Variants in DIS3L2 observed in about 807,000 individuals in gnomAD.
DIS3L2 encodes the protein DIS3 like 3'-5' exoribonuclease 2.
Under a neutral mutation model 97.5 loss-of-function variants are expected in DIS3L2, and 34 were observed. The ratio of observed to expected loss-of-function variants is 0.35; its 90% CI spans 0.27 to 0.46. The LOEUF is 0.46. DIS3L2 is among the 20% of genes least tolerant of loss of function. DIS3L2 has a pLI of 1.00. For synonymous variants in DIS3L2, 435 were observed against 445.2 expected (o/e 0.98, Z 0.29); for missense variants, 1,038 against 1,146.0 (o/e 0.91, Z 1.36).
chr2:232,247,471 G>C (rs1330324714), intron 11 of DIS3L2, among the ~76,000 whole-genome samples: 1 of 151,934 alleles, frequency 6.6e-6, no homozygotes, highest in Non-Finnish European at 1.5e-5. Context: ...AGAGAGACTT[G>C]TGTCTCTTTC....
At chr2:232,203,096 A>G (rs1336600088) in intron 9 of DIS3L2, among the ~76,000 whole-genome samples, 2 of 152,228 alleles carry the variant, frequency 1.3e-5, no homozygotes, top group Non-Finnish European at 2.9e-5. Context: ...TTCCTTCTAC[A>G]GTTTACATAA....
At chr2:232,029,948 C>G in intron 4 of DIS3L2, 31 bp from the exon 5 acceptor site, 1 of 1,511,028 alleles carries the variant, frequency 6.6e-7, no homozygotes, top group Non-Finnish European at 9.0e-7. Flanking sequence ...TTTTTAAGCT[C>G]ACTATTGTTT....
At chr2:232,066,234 CTCTA>C (rs1695853282) in intron 5 of DIS3L2, among the ~76,000 whole-genome samples, 1 of 151,820 alleles carries the variant, frequency 6.6e-6, no homozygotes, top group South Asian at 2.1e-4. Flanking sequence ...GAGGAAAGCC[CTCTA>C]TCTTTCTCAT....
At chr2:232,107,323 T>C (rs987035776) in intron 6 of DIS3L2, among the ~76,000 whole-genome samples, 7 of 152,198 alleles carry the variant, frequency 4.6e-5, no homozygotes, top group Admixed American at 4.6e-4. Context: ...AGGAGCTGGT[T>C]TTTTGAAAAA....
chr2:232,073,507 G>T (rs1483319754), intron 5 of DIS3L2, among the ~76,000 whole-genome samples: 1 of 152,170 alleles, frequency 6.6e-6, no homozygotes, highest in Middle Eastern at 3.2e-3. Context: ...GGGTTTATTT[G>T]CTGCAACAGA....
intron 14 of DIS3L2, among the ~76,000 whole-genome samples, chr2:232,310,824 G>A (rs1045556555): frequency 2.6e-5 from 4 of 152,228 alleles, no homozygotes; most frequent in Non-Finnish European, 5.9e-5. Flanking sequence ...GAGCAGGGAG[G>A]GCAGCAAGGC....
chr2:232,279,170 CAG>C (rs1694219187), intron 13 of DIS3L2, among the ~76,000 whole-genome samples: 1 of 152,202 alleles, frequency 6.6e-6, no homozygotes, highest in South Asian at 2.1e-4. Flanking sequence ...CTCCTGACCT[CAG>C]GTGATCTACC....
chr2:232,308,770 C>T (rs1022249658), intron 14 of DIS3L2, among the ~76,000 whole-genome samples: 4 of 152,166 alleles, frequency 2.6e-5, no homozygotes, highest in African/African-American at 9.7e-5. Context: ...TTTCTGCTTC[C>T]CAACATGCCC....
chr2:232,218,225 C>T (rs73996932), intron 10 of DIS3L2, among the ~76,000 whole-genome samples: 2,841 of 152,194 alleles, frequency 0.019, 78 homozygotes, highest in African/African-American at 0.064. Context: ...GAGTCATAAG[C>T]GAGGAACCGC....
chr2:232,342,661 C>T lies in DIS3L2; in HGVS notation c.1582-684C>T, dbSNP rs117784850. On this transcript the variant is annotated intron_variant, in intron 13 of 13. Coordinates refer to the DIS3L2 transcript ENST00000273009. The stretch of plus-strand genomic sequence containing the variant: ...AGATAAAATTCCTACTGACACGCAA[C>T]CTCAGGTTCCCACTCGTTTAGAAGG... Among the ~76,000 whole-genome samples the T allele has an allele frequency of 1.1e-3, 168 of 152,336 alleles. 2 individuals are homozygous for T. In the East Asian group the frequency reaches 0.03, roughly 27 times the overall value.
intron 5 of DIS3L2, among the ~76,000 whole-genome samples, chr2:232,059,358 T>C (rs1695638690): frequency 6.6e-6 from 1 of 152,224 alleles, no homozygotes; most frequent in Admixed American, 6.5e-5. Flanking sequence ...AAAGATACTC[T>C]ACCACTGTAC....
intron 1 of DIS3L2, among the ~76,000 whole-genome samples, chr2:231,976,726 T>C (rs1005652122): frequency 1.3e-5 from 2 of 151,826 alleles, no homozygotes; most frequent in Admixed American, 6.6e-5. Context: ...AGAACACTTA[T>C]GTTAGCCTAA....
chr2:232,144,986 A>C (rs1361660312), intron 8 of DIS3L2, among the ~76,000 whole-genome samples: 1 of 152,220 alleles, frequency 6.6e-6, no homozygotes, highest in Non-Finnish European at 1.5e-5. Context: ...TCACCTGGTT[A>C]AGGAGGCATC....
intron 14 of DIS3L2, among the ~76,000 whole-genome samples, chr2:232,309,082 T>C (rs1008975564): frequency 6.6e-6 from 1 of 152,176 alleles, no homozygotes; most frequent in African/African-American, 2.4e-5. Context: ...ATCCCAGGGC[T>C]TTCCCGTGCT....
At chr2:232,002,990 T>C (rs982356091) in intron 1 of DIS3L2, among the ~76,000 whole-genome samples, 2 of 152,154 alleles carry the variant, frequency 1.3e-5, no homozygotes, top group Non-Finnish European at 2.9e-5. Context: ...CTCAACTCAA[T>C]CAAGTTATTG....
chr2:232,190,719 A>G (rs1021147944), intron 9 of DIS3L2, among the ~76,000 whole-genome samples: 2 of 152,176 alleles, frequency 1.3e-5, no homozygotes, highest in African/African-American at 4.8e-5. Context: ...GCCTGAAGGT[A>G]GTAGTTACAG....
intron 6 of DIS3L2, among the ~76,000 whole-genome samples, chr2:232,092,833 CA>C (rs1559620836): frequency 6.6e-6 from 1 of 152,142 alleles, no homozygotes; most frequent in African/African-American, 2.4e-5. Flanking sequence ...ATACCATCTG[CA>C]AGCAAGGATT....
In DIS3L2 at chr2:232,292,432, C is replaced by T. The variant is rs184367163; in HGVS notation, c.1660-7608C>T. On this transcript the variant is annotated intron_variant, in intron 13 of 20. Transcript: ENST00000325385. The surrounding 1 kb of genome is among the most constrained non-coding windows in gnomAD (Gnocchi z 4.4). ...TGTCATCCTACCCAGAAAGCTCAGACGGGCGGAAGGAGGGCCTCTCAAAGG... is the reference window on the plus strand; with the variant it reads ...TGTCATCCTACCCAGAAAGCTCAGATGGGCGGAAGGAGGGCCTCTCAAAGG... Among the ~76,000 whole-genome samples the T allele has an allele frequency of 3.3e-3, 500 of 152,286 alleles. No homozygotes were observed. Among genetic ancestry groups the T allele is most frequent in the Non-Finnish European group, 3.5e-3 (241 of 68,012 alleles).
intron 5 of DIS3L2, among the ~76,000 whole-genome samples, chr2:232,086,205 A>T (rs1696581915): frequency 6.6e-6 from 1 of 151,932 alleles, no homozygotes; most frequent in African/African-American, 2.4e-5. Flanking sequence ...AGACGTGTAT[A>T]CGTATATATA....
Sources: allele counts gnomAD v4.1 joint callset (sites outside exome capture counted in the v4.1 genomes callset), GRCh38; gene constraint gnomAD v4.1.1; non-coding constraint Gnocchi (gnomAD v3.1); transcripts MANE v1.5; gene names NCBI Gene and HGNC (gene_info 2026-07-23, HGNC 2026-07-21).